Variants in ULK4 observed in about 807,000 individuals in gnomAD.
ULK4 encodes inactive serine/threonine-protein kinase ULK4.
ULK4 carries 133 observed loss-of-function variants against 160.6 expected under a neutral mutation model. The ratio of observed to expected loss-of-function variants is 0.83; its 90% CI spans 0.72 to 0.96. The LOEUF is 0.96. Among genes scored for constraint, ULK4 ranks in the 40% least tolerant of loss-of-function variants. The pLI is 0.00. For synonymous variants in ULK4, 534 were observed against 539.8 expected, an observed-to-expected ratio of 0.99 and a Z score of 0.15; for missense variants, 1,580 against 1,499.5, an observed-to-expected ratio of 1.05 and a Z score of -0.89.
intron 34 of ULK4, among the ~76,000 whole-genome samples, chr3:41,437,361 C>T (rs751233018): frequency 6.6e-6 from 1 of 152,176 alleles, no homozygotes; most frequent in African/African-American, 2.4e-5. Context: ...GAAAAATTCA[C>T]TTTTCACTGA....
chr3:41,665,392 G>C (rs762245052), intron 29 of ULK4, among the ~76,000 whole-genome samples: 1 of 152,106 alleles, frequency 6.6e-6, no homozygotes, highest in Non-Finnish European at 1.5e-5. Context: ...ATAGTCTGTG[G>C]AGCATTTAAT....
At chr3:41,346,163 T>C (rs968401061) in intron 35 of ULK4, among the ~76,000 whole-genome samples, 1 of 151,910 alleles carries the variant, frequency 6.6e-6, no homozygotes, top group African/African-American at 2.4e-5. Flanking sequence ...CTGGCTGGGC[T>C]TTAAGCAGGG....
intron 30 of ULK4, among the ~76,000 whole-genome samples, chr3:41,636,438 G>A (rs1374183782): frequency 6.6e-6 from 1 of 151,910 alleles, no homozygotes; most frequent in Non-Finnish European, 1.5e-5. Flanking sequence ...GGAGGCTGAG[G>A]CAAGAAGATC....
chr3:41,844,541 C>T (rs1359150211), intron 17 of ULK4, among the ~76,000 whole-genome samples: 5 of 152,170 alleles, frequency 3.3e-5, no homozygotes, highest in African/African-American at 7.2e-5. Context: ...GCCGCTCGCG[C>T]CTCTCCCTCC....
At chr3:41,650,430 C>T (rs2034691717) in intron 30 of ULK4, among the ~76,000 whole-genome samples, 1 of 152,194 alleles carries the variant, frequency 6.6e-6, no homozygotes, top group South Asian at 2.1e-4. Flanking sequence ...CTCTGGGGTT[C>T]CCAGCACCTC....
At chr3:41,615,782 A>T in intron 30 of ULK4, 65 bp from the exon 31 acceptor site, 1 of 1,434,850 alleles carries the variant, frequency 7.0e-7, no homozygotes, top group Non-Finnish European at 9.7e-7. Context: ...TGATGGCCTG[A>T]TATAAAGCAC....
chr3:41,783,357 C>A (rs1281484835), intron 21 of ULK4, among the ~76,000 whole-genome samples: 1 of 151,814 alleles, frequency 6.6e-6, no homozygotes, highest in African/African-American at 2.4e-5. Context: ...GTCAACATGG[C>A]AAAACTCTGT....
At chr3:41,854,416 T>C (rs1281913745) in intron 17 of ULK4, among the ~76,000 whole-genome samples, 1 of 152,116 alleles carries the variant, frequency 6.6e-6, no homozygotes, top group African/African-American at 2.4e-5. Context: ...GTGGAAATCA[T>C]GAGATCTGGG....
chr3:41,841,541 T>C (rs1055825307), intron 17 of ULK4, among the ~76,000 whole-genome samples: 1 of 151,212 alleles, frequency 6.6e-6, no homozygotes, highest in Non-Finnish European at 1.5e-5. Flanking sequence ...GCCCTTCGTC[T>C]GGGAGGTGGG....
intron 29 of ULK4, among the ~76,000 whole-genome samples, chr3:41,669,258 G>A (rs1227522273): frequency 6.6e-6 from 1 of 152,054 alleles, no homozygotes; most frequent in African/African-American, 2.4e-5. Context: ...TTAAGGGTCG[G>A]GGGGAGAGAC....
intron 35 of ULK4, among the ~76,000 whole-genome samples, chr3:41,378,585 G>A (rs2081569578): frequency 6.6e-6 from 1 of 151,118 alleles, no homozygotes; most frequent in South Asian, 2.1e-4. Flanking sequence ...TGAACAATGA[G>A]AACACTTGGA....
chr3:41,842,342 T>C (rs2041954217), intron 17 of ULK4, among the ~76,000 whole-genome samples: 1 of 152,146 alleles, frequency 6.6e-6, no homozygotes, highest in African/African-American at 2.4e-5. Context: ...TTGCAATTAT[T>C]CTACCTGGTT....
At chr3:41,297,159 C>T (rs2079685386) in intron 35 of ULK4, among the ~76,000 whole-genome samples, 3 of 152,198 alleles carry the variant, frequency 2.0e-5, no homozygotes. Context: ...CAATTTCTCT[C>T]CCTCCTGCTG....
At chr3:41,929,519 G>A (rs1158457020) in intron 5 of ULK4, among the ~76,000 whole-genome samples, 1 of 152,144 alleles carries the variant, frequency 6.6e-6, no homozygotes, top group African/African-American at 2.4e-5. Flanking sequence ...AAGAAATAAA[G>A]GGTATTCAAA....
chr3:41,364,291 C>T (rs1262352823), intron 35 of ULK4, among the ~76,000 whole-genome samples: 2 of 152,170 alleles, frequency 1.3e-5, no homozygotes, highest in Non-Finnish European at 2.9e-5. Context: ...GAAGGGCTCA[C>T]TCAATACTCC....
At chr3:41,395,924 A>T (rs1489608917) in intron 35 of ULK4, among the ~76,000 whole-genome samples, 2 of 152,158 alleles carry the variant, frequency 1.3e-5, no homozygotes, top group East Asian at 3.9e-4. Flanking sequence ...AAGGCAGGTC[A>T]GATATTATAA....
chr3:41,947,116 G>A (rs1312552270), intron 2 of ULK4, among the ~76,000 whole-genome samples: 1 of 152,062 alleles, frequency 6.6e-6, no homozygotes, highest in Admixed American at 6.5e-5. Context: ...TCACAAGGTC[G>A]GGAGATCGAG....
At position 41,347,919 on chromosome 3, in the gene ULK4, C is replaced by T. The variant is rs535536457; in HGVS notation, c.3678+50160G>A. Reference sequence around the variant, plus strand: ...CCTGATTTAATAAGCTTAAAAAGTACATGGACCACTAGGCACAGTGGCTCA... The same window carrying T: ...CCTGATTTAATAAGCTTAAAAAGTATATGGACCACTAGGCACAGTGGCTCA... On this transcript the variant is annotated intron_variant, in intron 35 of 36. Coordinates refer to ENST00000301831, the MANE Select transcript of ULK4 (RefSeq NM_017886.4). 2.0e-5 allele frequency among the ~76,000 whole-genome samples: 3 copies of T among 152,152 alleles called. No homozygotes were observed. In the South Asian group the frequency reaches 6.2e-4, roughly 32 times the overall value.
intron 34 of ULK4, among the ~76,000 whole-genome samples, chr3:41,418,890 T>C (rs2082593539): frequency 6.6e-6 from 1 of 152,196 alleles, no homozygotes; most frequent in Non-Finnish European, 1.5e-5. Context: ...GGGCACATTA[T>C]AAAATGTCAG....
Sources: allele counts gnomAD v4.1 joint callset (sites outside exome capture counted in the v4.1 genomes callset), GRCh38; gene constraint gnomAD v4.1.1; transcripts MANE v1.5; gene names NCBI Gene and HGNC (gene_info 2026-07-23, HGNC 2026-07-21).